The following STC2 variants were observed in gnomAD, a reference collection of about 807,000 sequenced individuals.
STC2 encodes the protein stanniocalcin 2, also known as stanniocalcin-2.
STC2 carries 7 observed loss-of-function variants against 22.7 expected under a neutral mutation model. That is an observed-to-expected ratio of 0.31 (90% CI 0.18 to 0.58). The LOEUF (loss-of-function observed/expected upper bound fraction) is 0.58, where lower values mean the gene tolerates loss of function less well. Among genes scored for constraint, STC2 ranks in the 20% least tolerant of loss-of-function variants. The pLI, the probability that STC2 is intolerant of heterozygous loss-of-function variation, is 0.89. For synonymous variants in STC2, 158 were observed against 163.4 expected, an observed-to-expected ratio of 0.97 and a Z score of 0.25; for missense variants, 336 against 406.2, an observed-to-expected ratio of 0.83 and a Z score of 1.48.
At position 173,325,320 on chromosome 5, in the gene STC2, G is replaced by A. The variant is rs980371581; in HGVS notation, c.294+548C>T. 4.6e-5 allele frequency among the ~76,000 whole-genome samples: 7 copies of A among 152,180 alleles called. No homozygotes were observed. The highest frequency in any genetic ancestry group is 1.7e-4 in the African/African-American group (7 of 41,436). Reference sequence around the variant, plus strand: ...GGATAACCGAAGTGGGTCAGGCCCTGACTATATTTATCATATAGAGCAAAA... The same window carrying A: ...GGATAACCGAAGTGGGTCAGGCCCTAACTATATTTATCATATAGAGCAAAA... On this transcript the variant is annotated intron_variant, in intron 2 of 3. Coordinates refer to ENST00000265087, the MANE Select transcript of STC2 (RefSeq NM_003714.3). This position sits in a 1 kb window ranked among gnomAD's most constrained non-coding sequence, Gnocchi z 4.7.
At chr5:173,318,839 G>A (rs1762455887) in intron 3 of STC2, among the ~76,000 whole-genome samples, 1 of 152,198 alleles carries the variant, frequency 6.6e-6, no homozygotes, top group Non-Finnish European at 1.5e-5. Flanking sequence ...GGGTGTTTTT[G>A]GAAGTTATTG....
At chr5:173,324,109 G>A (rs565278330) in intron 2 of STC2, 167 of 152,768 alleles carry the variant, frequency 1.1e-3, no homozygotes, top group Non-Finnish European at 1.7e-3. Context: ...GCAGCATCTG[G>A]AGTCTGAACT....
intron 3 of STC2, among the ~76,000 whole-genome samples, chr5:173,321,368 C>T (rs1762483707): frequency 2.6e-5 from 4 of 152,160 alleles, no homozygotes; most frequent in Admixed American, 1.3e-4. Context: ...TTCCTGAGGC[C>T]AGCAAACTCT....
Position 173,318,117 on chromosome 5 carries a change from C to A in STC2, c.639G>T (p.Ser213=), listed in dbSNP as rs112916112. The A allele has an allele frequency of 1.2e-6, 2 of 1,610,388 alleles. No homozygotes were observed. The highest frequency in any genetic ancestry group is 1.3e-5 in the African/African-American group (1 of 74,712). ...GCGCCGTGGGAGGCTTCTGGATGGC[C>A]GAGGTGCAGAAGCTCAAGATGGAGC... ...SLCSILSFCT[S]AIQKPPTAPP... Residue 213 remains serine, a synonymous_variant, in exon 4 of 4, where the codon TCG becomes TCT. Coordinates refer to ENST00000265087, the MANE Select transcript of STC2 (RefSeq NM_003714.3).
intron 3 of STC2, among the ~76,000 whole-genome samples, chr5:173,322,599 G>C (rs1292434468): frequency 6.6e-6 from 1 of 152,204 alleles, no homozygotes; most frequent in Non-Finnish European, 1.5e-5. Context: ...GAAAGTTAAG[G>C]AGGCAGGAAA....
rs559858165 is a variant in STC2, at chr5:173,325,767, C to G, written c.294+101G>C. On this transcript the variant is annotated intron_variant, in intron 2 of 3. Coordinates refer to ENST00000265087, the MANE Select transcript of STC2 (RefSeq NM_003714.3). The surrounding 1 kb of genome is among the most constrained non-coding windows in gnomAD (Gnocchi z 4.7). Reference sequence around the variant, plus strand: ...CGCTTGCAAGCACTAAAACACACCACAAGGAACAGCAAAGGAAGTTGGTTA... The same window carrying G: ...CGCTTGCAAGCACTAAAACACACCAGAAGGAACAGCAAAGGAAGTTGGTTA... 79 of 1,542,930 alleles carry G rather than the reference C, an allele frequency of 5.1e-5. No individual in the cohort carries two copies. The South Asian group carries it at 6.1e-4, about 12-fold the overall frequency.
At position 173,328,247 on chromosome 5, in the gene STC2, T is replaced by TTCC; in HGVS notation, c.-57_-55dup. On this transcript the variant is annotated 5_prime_UTR_variant, in exon 1 of 4. Coordinates refer to ENST00000265087, the MANE Select transcript of STC2 (RefSeq NM_003714.3). Reference sequence around the variant, plus strand: ...GACCTGGATCCTTTGTGCTCCCCTCTTCCTCCTCCTCCTCTTCCTCCTTCG... The same window carrying TTCC: ...GACCTGGATCCTTTGTGCTCCCCTCTTCCTCCTCCTCCTCCTCTTCCTCCTTCG... The TTCC allele has an allele frequency of 7.2e-7, 1 of 1,388,100 alleles. No individual in the cohort carries two copies. Among genetic ancestry groups the TTCC allele is most frequent in the South Asian group, 1.9e-5 (1 of 52,780 alleles). 86.0% of individuals were successfully genotyped at this position (1,388,100 alleles called of 1,614,324 possible). A position where few individuals can be genotyped will look rare whatever the true frequency, so the allele number is the denominator to read the frequency against.
In STC2 at chr5:173,315,315, C is replaced by G. The variant is rs1384864215; in HGVS notation, c.*2532G>C. 1 of 152,106 alleles carries G rather than the reference C, an allele frequency of 6.6e-6. No homozygotes were observed. Among genetic ancestry groups the G allele is most frequent in the Admixed American group, 6.5e-5 (1 of 15,270 alleles). 9.4% of individuals were successfully genotyped at this position (152,106 alleles called of 1,614,324 possible). A position where few individuals can be genotyped will look rare whatever the true frequency, so the allele number is the denominator to read the frequency against. On this transcript the variant is annotated 3_prime_UTR_variant, in exon 4 of 4. Coordinates refer to ENST00000265087, the MANE Select transcript of STC2 (RefSeq NM_003714.3). ...CTTCCTCAGTTTTAAGCAGAAGACC[C>G]TGAGCAATAAATACTGTTGCATGCT...
In STC2 at chr5:173,318,048, C is replaced by T. The variant is rs1197015189; in HGVS notation, c.708G>A (p.Arg236=). The T allele has an allele frequency of 1.9e-6, 3 of 1,611,122 alleles. No individual in the cohort carries two copies. Among genetic ancestry groups the T allele is most frequent in the East Asian group, 4.5e-5 (2 of 44,760 alleles). ...GATGTCCTGCTTCCCCGTGGTGGGC[C>T]CTGGAGAGCTTGGTTCTGTCCACCT... ...QPQVDRTKLS[R]AHHGEAGHHL... Residue 236 remains arginine, a synonymous_variant, in exon 4 of 4, where the codon AGG becomes AGA. Coordinates refer to ENST00000265087, the MANE Select transcript of STC2 (RefSeq NM_003714.3).
chr5:173,327,981 G>A, intron 1 of STC2, 62 bp downstream of exon 1: 1 of 1,389,134 alleles, frequency 7.2e-7, no homozygotes, highest in Non-Finnish European at 9.4e-7. Context: ...CCTGGGGCGC[G>A]CCGCGTGGGT....
Position 173,318,266 on chromosome 5 carries a change from A to AAGAGAGAGAGAGAGAGAGAG in STC2, c.507-37_507-18dup, listed in dbSNP as rs4041247. Reference sequence around the variant, plus strand: ...ACGTAGGGTCTAAAGATTGAAAGCAAAGAGAGAGAGAGAGAGAGAGAGAGA... The same window carrying AAGAGAGAGAGAGAGAGAGAG: ...ACGTAGGGTCTAAAGATTGAAAGCAAAGAGAGAGAGAGAGAGAGAGAGAGAGAGAGAGAGAGAGAGAGAGA... On this transcript the variant is annotated splice_polypyrimidine_tract_variant and intron_variant, in intron 3 of 3. Coordinates refer to ENST00000265087, the MANE Select transcript of STC2 (RefSeq NM_003714.3). 4.9e-4 allele frequency: 607 copies of AAGAGAGAGAGAGAGAGAGAG among 1,235,626 alleles called. 6 individuals carry two copies. In the African/African-American group the frequency reaches 8.4e-3, roughly 17 times the overall value. The allele number at this position is 1,235,626 out of a possible 1,614,324, so 76.5% of individuals were successfully genotyped here.
In STC2 at chr5:173,317,775, A is replaced by C; in HGVS notation, c.*72T>G. ...GTGACATCCCCCCTCTCTAATGGTA[A>C]ATGTTTTGGAATGTCCATAGATAAG... On this transcript the variant is annotated 3_prime_UTR_variant, in exon 4 of 4. Transcript: ENST00000265087. 1.3e-6 allele frequency: 2 copies of C among 1,485,482 alleles called. No homozygotes were observed. Among genetic ancestry groups the C allele is most frequent in the Non-Finnish European group, 1.8e-6 (2 of 1,114,232 alleles). 92.0% of individuals were successfully genotyped at this position (1,485,482 alleles called of 1,614,324 possible). A position where few individuals can be genotyped will look rare whatever the true frequency, so the allele number is the denominator to read the frequency against.
rs1170610051 is a variant in STC2 at position 173,323,425 on chromosome 5, C to T, written c.300G>A (p.Lys100=). 6.2e-7 allele frequency: 1 copy of T among 1,609,922 alleles called. No individual in the cohort carries two copies. Among genetic ancestry groups the T allele is most frequent in the African/African-American group, 1.3e-5 (1 of 75,002 alleles). Residue 100 remains lysine (K), a synonymous_variant, in exon 3 of 4, where the codon AAG becomes AAA. Transcript: ENST00000265087. This position sits in a 1 kb window ranked among gnomAD's most constrained non-coding sequence, Gnocchi z 5.4. ...HNAGKFDAQG[K]SFIKDALKCK... is the part of the protein sequence containing the mutation. The stretch of plus-strand genomic sequence containing the variant: ...ATTTCAAGGCGTCTTTGATGAATGA[C>T]TTGCCCTGAGAACACACAGGCCGGG...
At chr5:173,327,244 G>GC (rs2113142327) in intron 1 of STC2, among the ~76,000 whole-genome samples, 1 of 152,366 alleles carries the variant, frequency 6.6e-6, no homozygotes, top group South Asian at 2.1e-4. Flanking sequence ...CGTTCACACG[G>GC]CCCCCCAAAG....
At position 173,328,105 on chromosome 5, in the gene STC2, G is replaced by A. The variant is rs1401344162; in HGVS notation, c.89C>T (p.Pro30Leu). 6.2e-7 allele frequency: 1 copy of A among 1,602,586 alleles called. No homozygotes were observed. Among genetic ancestry groups the A allele is most frequent in the Non-Finnish European group, 8.5e-7 (1 of 1,174,728 alleles). The part of the protein sequence containing the change: ...DPARGTDATN[P>L]PEGPQDRSSQ... ...GCTCCTGTCTTGGGGACCCTCGGGT[G>A]GGTTGGTGGCGTCGGTCCCCCGCGC... The change falls in exon 1 of 4, where the codon CCA (proline) becomes CTA (leucine). Residue 30 changes from proline to leucine, a missense_variant. Pro to Leu is a moderately conservative substitution (Grantham distance 98). Transcript: ENST00000265087.
intron 1 of STC2, among the ~76,000 whole-genome samples, chr5:173,327,328 G>A (rs1026203575): frequency 1.3e-5 from 2 of 152,266 alleles, no homozygotes; most frequent in African/African-American, 4.8e-5. Context: ...AAAAGGGCCA[G>A]CCCCGTGCCC....
intron 3 of STC2, among the ~76,000 whole-genome samples, chr5:173,318,923 G>A (rs984579416): frequency 2.6e-5 from 4 of 152,208 alleles, no homozygotes; most frequent in African/African-American, 7.2e-5. Flanking sequence ...TCCCTGGGAC[G>A]TCATTGCCCG....
chr5:173,322,919 G>A (rs752092922), intron 3 of STC2: 3 of 418,802 alleles, frequency 7.2e-6, no homozygotes, highest in Non-Finnish European at 8.9e-6. Flanking sequence ...GAGCTAGTGG[G>A]TTCTTGGCTA....
rs138100353 is a variant in STC2 at position 173,318,183 on chromosome 5, G to A, written c.573C>T (p.His191=). Residue 191 remains histidine, a synonymous_variant, in exon 4 of 4, where the codon CAC becomes CAT. Transcript: ENST00000265087. ...TCTGCTCACACTGAACCTGCACGCT[G>A]TGGGTGATGGCCTCCTTCACCTCCT... ...CGEEVKEAIT[H]SVQVQCEQNW... 2.8e-5 allele frequency: 44 copies of A among 1,567,854 alleles called. No homozygotes were observed. The African/African-American group carries it at 5.6e-4, about 20-fold the overall frequency.
Sources: allele counts gnomAD v4.1 joint callset (sites outside exome capture counted in the v4.1 genomes callset), GRCh38; gene constraint gnomAD v4.1.1; non-coding constraint Gnocchi (gnomAD v3.1); transcripts MANE v1.5; gene names NCBI Gene and HGNC (gene_info 2026-07-23, HGNC 2026-07-21).